The following WDR7 variants were observed in gnomAD, a reference collection of about 807,000 sequenced individuals.
WDR7 encodes the protein WD repeat domain 7.
In WDR7, 46 loss-of-function variants were observed where a neutral mutation model predicts 169.4. The ratio of observed to expected loss-of-function variants is 0.27; its 90% CI spans 0.21 to 0.35. The LOEUF (loss-of-function observed/expected upper bound fraction) is 0.35, where lower values mean the gene tolerates loss of function less well. Among genes scored for constraint, WDR7 ranks in the 10% least tolerant of loss-of-function variants. The pLI is 1.00. For missense variants in WDR7, 1,534 were observed against 1,859.3 expected (o/e 0.83, Z 3.22); for synonymous variants, 612 against 666.8 (o/e 0.92, Z 1.27).
chr18:56,935,709 T>G, intron 22 of WDR7, 79 bp from the exon 23 acceptor site: 1 of 1,370,080 alleles, frequency 7.3e-7, no homozygotes, highest in Non-Finnish European at 1.0e-6. Flanking sequence ...GAACTGACAT[T>G]ATAAGCTGTG....
Position 56,772,171 on chromosome 18 carries a change from A to T in WDR7, c.2849-4611A>T, listed in dbSNP as rs1377974974. Among the ~76,000 whole-genome samples, 3 of 152,016 alleles carry T rather than the reference A, an allele frequency of 2.0e-5. No homozygotes were observed. The East Asian group carries it at 5.8e-4, about 29-fold the overall frequency. On this transcript the variant is annotated intron_variant, in intron 16 of 27. Coordinates refer to ENST00000254442, the MANE Select transcript of WDR7 (RefSeq NM_015285.3). ...AAAGGCAGAATAATAGCAATTTCAG[A>T]CACTCATAGTCTTAAAAAAATTACT... is the stretch of plus-strand genomic sequence containing the variant.
intron 14 of WDR7, among the ~76,000 whole-genome samples, chr18:56,737,258 G>T (rs74995433): frequency 0.04 from 6,017 of 152,272 alleles, 369 homozygotes; most frequent in African/African-American, 0.13. Flanking sequence ...TAGAAGATGG[G>T]CTGAGCATAT....
chr18:56,909,807 A>G lies in WDR7; in HGVS notation c.3527-14115A>G, dbSNP rs182712468. On this transcript the variant is annotated intron_variant, in intron 21 of 27. Coordinates refer to ENST00000254442, the MANE Select transcript of WDR7 (RefSeq NM_015285.3). Reference sequence around the variant, plus strand: ...TATATGGAACAATTAGCTAATGAAAACTAAGCCATTTGCTGCTATTTTGCA... The same window carrying G: ...TATATGGAACAATTAGCTAATGAAAGCTAAGCCATTTGCTGCTATTTTGCA... Among the ~76,000 whole-genome samples the G allele has an allele frequency of 3.7e-3, 562 of 152,278 alleles. 2 individuals are homozygous for G. Among genetic ancestry groups the G allele is most frequent in the African/African-American group, 0.012 (516 of 41,562 alleles).
At position 56,756,876 on chromosome 18, in the gene WDR7, T is replaced by C. The variant is rs778131282; in HGVS notation, c.2283T>C (p.Asp761=). The change falls in exon 15 of 28, where the codon GAT becomes GAC. Residue 761 remains aspartate, a synonymous_variant. Transcript: ENST00000254442. Reference sequence around the variant, plus strand: ...ACATCAAGGAACACCTCCTTGATGATGAAGAGGAGGATGAGGAGATAATGA... The same window carrying C: ...ACATCAAGGAACACCTCCTTGATGACGAAGAGGAGGATGAGGAGATAATGA... ...KENIKEHLLD[D]EEEDEEIMRQ... is the part of the protein sequence containing the mutation. 6.8e-6 allele frequency: 11 copies of C among 1,613,784 alleles called. No individual in the cohort carries two copies. In the East Asian group the frequency reaches 2.2e-4, roughly 33 times the overall value.
chr18:56,863,189 TAGAG>T (rs770815656), intron 20 of WDR7, among the ~76,000 whole-genome samples: 8 of 151,838 alleles, frequency 5.3e-5, no homozygotes, highest in Non-Finnish European at 7.4e-5. Flanking sequence ...ATTGTAGTGT[TAGAG>T]AGGACAAATA....
chr18:56,947,432 A>G (rs1408253685), intron 25 of WDR7, among the ~76,000 whole-genome samples: 2 of 152,240 alleles, frequency 1.3e-5, no homozygotes, highest in African/African-American at 2.4e-5. Flanking sequence ...TGCCTGGACT[A>G]TAAATAATAC....
At chr18:57,029,885 C>T (rs1000782605), downstream of WDR7, 2 of 152,216 alleles carry the variant, frequency 1.3e-5, no homozygotes, top group Non-Finnish European at 2.9e-5. Context: ...CCTGCTGCTT[C>T]TAATCATTCA....
At chr18:56,870,399 A>T (rs2045937028) in intron 20 of WDR7, among the ~76,000 whole-genome samples, 1 of 152,108 alleles carries the variant, frequency 6.6e-6, no homozygotes, top group Non-Finnish European at 1.5e-5. Context: ...ACTGAGGGCC[A>T]ACATTTTTCT....
In WDR7 at chr18:56,676,719, T is replaced by A. The variant is rs185484808; in HGVS notation, c.160-2613T>A. Reference sequence around the variant, plus strand: ...TAACTTTTTTTTTTGTTTTTTTGGTTTTTTTTTTGGGAGACAGGGTCCCAC... The same window carrying A: ...TAACTTTTTTTTTTGTTTTTTTGGTATTTTTTTTGGGAGACAGGGTCCCAC... On this transcript the variant is annotated intron_variant, in intron 2 of 27. Coordinates refer to ENST00000254442, the MANE Select transcript of WDR7 (RefSeq NM_015285.3). Among the ~76,000 whole-genome samples the A allele has an allele frequency of 2.9e-3, 434 of 151,238 alleles. 2 individuals are homozygous for A. Among genetic ancestry groups the A allele is most frequent in the Middle Eastern group, 3.4e-3 (1 of 294 alleles).
At chr18:56,702,163 T>A (rs1436733407) in intron 12 of WDR7, among the ~76,000 whole-genome samples, 1 of 152,180 alleles carries the variant, frequency 6.6e-6, no homozygotes, top group Non-Finnish European at 1.5e-5. Flanking sequence ...GGAAACTTCC[T>A]CCAACGCTCC....
intron 21 of WDR7, among the ~76,000 whole-genome samples, chr18:56,884,776 C>T (rs1215402725): frequency 2.6e-5 from 4 of 152,228 alleles, no homozygotes; most frequent in Non-Finnish European, 5.9e-5. Context: ...ACCTGATCCT[C>T]CCTATACTAC....
chr18:56,992,352 A>G (rs1195672211), intron 26 of WDR7, among the ~76,000 whole-genome samples: 1 of 152,236 alleles, frequency 6.6e-6, no homozygotes, highest in Non-Finnish European at 1.5e-5. Flanking sequence ...TGATGAAATT[A>G]TCTATGTGGA....
chr18:56,814,178 T>C (rs2044924881), intron 19 of WDR7, among the ~76,000 whole-genome samples: 1 of 152,186 alleles, frequency 6.6e-6, no homozygotes, highest in African/African-American at 2.4e-5. Context: ...ATGAGATAAA[T>C]GTAAATGGAT....
At chr18:56,844,015 A>G (rs2045528266) in intron 20 of WDR7, among the ~76,000 whole-genome samples, 1 of 151,882 alleles carries the variant, frequency 6.6e-6, no homozygotes, top group Admixed American at 6.6e-5. Flanking sequence ...GGCATACACC[A>G]CCACGCCTGG....
At position 56,816,152 on chromosome 18, in the gene WDR7, C is replaced by T. The variant is rs768778518; in HGVS notation, c.3304+8C>T. 4.9e-5 allele frequency: 78 copies of T among 1,598,410 alleles called. No homozygotes were observed. The Admixed American group carries it at 6.1e-4, about 13-fold the overall frequency. On this transcript the variant is annotated splice_region_variant and intron_variant, in intron 20 of 27. Transcript: ENST00000254442. ...ACGATGACATCACCACTGGTAAGCA[C>T]AGACATCTTTAACGTCTGATTGGAG...
At chr18:56,856,063 C>T (rs555142583) in intron 20 of WDR7, among the ~76,000 whole-genome samples, 155 of 152,066 alleles carry the variant, frequency 1.0e-3, no homozygotes, top group Non-Finnish European at 1.5e-3. Context: ...GCCAGGGGAG[C>T]GCAGGGAAAA....
At chr18:56,771,442 TG>T (rs1344131484) in intron 16 of WDR7, among the ~76,000 whole-genome samples, 3 of 151,208 alleles carry the variant, frequency 2.0e-5, no homozygotes, top group African/African-American at 7.3e-5. Flanking sequence ...GTAGGAAAGG[TG>T]GAGCGTGGTG....
chr18:56,847,832 G>A (rs2045588773), intron 20 of WDR7, among the ~76,000 whole-genome samples: 1 of 152,228 alleles, frequency 6.6e-6, no homozygotes, highest in South Asian at 2.1e-4. Context: ...TGAACAGAAT[G>A]CAAGAGTCAA....
At chr18:56,904,555 A>G (rs1177400942) in intron 21 of WDR7, among the ~76,000 whole-genome samples, 1 of 152,072 alleles carries the variant, frequency 6.6e-6, no homozygotes, top group African/African-American at 2.4e-5. Context: ...TTTTTATGTG[A>G]CATTATTAGG....
Sources: gnomAD v4.1 joint callset for allele counts (sites outside exome capture counted in the v4.1 genomes callset) on GRCh38, gnomAD v4.1.1 for gene constraint, MANE v1.5 for transcripts, NCBI Gene and HGNC (gene_info 2026-07-23, HGNC 2026-07-21) for gene names.